DCDC2C: variants seen among roughly 807,000 people sequenced by gnomAD.
The protein encoded by DCDC2C is doublecortin domain-containing protein 2C.
Under a neutral mutation model 45.0 loss-of-function variants are expected in DCDC2C, and 44 were observed. That is an observed-to-expected ratio of 0.98 (90% CI 0.77 to 1.26). DCDC2C has a LOEUF of 1.26. Ranked by LOEUF, DCDC2C falls within the 50% of genes most tolerant of loss-of-function variation. The pLI is 0.00. For synonymous variants in DCDC2C, 187 were observed against 178.8 expected (o/e 1.05, Z -0.37); for missense variants, 447 against 468.9 (o/e 0.95, Z 0.43).
At chr2:3,738,912 A>AGTT (rs1669110719) in intron 3 of DCDC2C, among the ~76,000 whole-genome samples, 1 of 152,182 alleles carries the variant, frequency 6.6e-6, no homozygotes. Flanking sequence ...TTTTAGATGG[A>AGTT]GTTGTTCATT....
intron 10 of DCDC2C, among the ~76,000 whole-genome samples, chr2:3,807,397 G>A (rs1671279472): frequency 6.6e-6 from 1 of 152,102 alleles, no homozygotes; most frequent in African/African-American, 2.4e-5. Flanking sequence ...GTAAACAGTC[G>A]ACTCTTCCTG....
intron 9 of DCDC2C, among the ~76,000 whole-genome samples, chr2:3,780,790 G>A (rs1670489159): frequency 6.6e-6 from 1 of 152,232 alleles, no homozygotes; most frequent in Non-Finnish European, 1.5e-5. Flanking sequence ...GAGATGGGGA[G>A]TTTAGGTAGC....
At chr2:3,759,930 G>A (rs1042807514) in intron 6 of DCDC2C, among the ~76,000 whole-genome samples, 6 of 152,192 alleles carry the variant, frequency 3.9e-5, no homozygotes, top group East Asian at 1.9e-4. Context: ...AACTGCTGCC[G>A]TCAAGGCAAA....
intron 3 of DCDC2C, among the ~76,000 whole-genome samples, chr2:3,732,900 T>C (rs1211246432): frequency 2.0e-5 from 3 of 152,220 alleles, no homozygotes; most frequent in Admixed American, 6.5e-5. Context: ...TGTGGGCTCT[T>C]CCTGAGGTGC....
chr2:3,790,737 C>G (rs1558229261), intron 10 of DCDC2C, among the ~76,000 whole-genome samples: 1 of 152,150 alleles, frequency 6.6e-6, no homozygotes, highest in Non-Finnish European at 1.5e-5. Context: ...ATTGGAGTCT[C>G]AAAAGTGAAG....
intron 10 of DCDC2C, among the ~76,000 whole-genome samples, chr2:3,808,944 G>T (rs573696626): frequency 2.0e-5 from 3 of 152,176 alleles, no homozygotes; most frequent in African/African-American, 7.2e-5. Flanking sequence ...GTAGGAATGA[G>T]GATTTTTTTT....
chr2:3,791,536 C>T (rs760848187), intron 10 of DCDC2C, among the ~76,000 whole-genome samples: 8 of 152,216 alleles, frequency 5.3e-5, no homozygotes, highest in Non-Finnish European at 5.9e-5. Context: ...CAAAGATCAG[C>T]GGATGCAGGT....
chr2:3,763,925 G>C (rs1010548890), intron 6 of DCDC2C, among the ~76,000 whole-genome samples: 2 of 152,210 alleles, frequency 1.3e-5, no homozygotes, highest in African/African-American at 4.8e-5. Flanking sequence ...TCACCCACCA[G>C]AGCTGCTCAG....
At chr2:3,742,701 G>T (rs1027017002) in intron 4 of DCDC2C, among the ~76,000 whole-genome samples, 1 of 152,218 alleles carries the variant, frequency 6.6e-6, no homozygotes, top group Non-Finnish European at 1.5e-5. Context: ...TGCATAGTAG[G>T]CGTGAAATGG....
intron 2 of DCDC2C, among the ~76,000 whole-genome samples, chr2:3,724,786 C>A (rs1245425521): frequency 6.6e-6 from 1 of 152,120 alleles, no homozygotes; most frequent in Non-Finnish European, 1.5e-5. Flanking sequence ...GAGCAGAGCT[C>A]CCCAGTTGTT....
chr2:3,811,467 T>C (rs1671393014), intron 10 of DCDC2C, among the ~76,000 whole-genome samples: 1 of 152,150 alleles, frequency 6.6e-6, no homozygotes. Flanking sequence ...TATCAGTTTA[T>C]GGAATTTTTG....
intron 6 of DCDC2C, among the ~76,000 whole-genome samples, chr2:3,766,168 T>G (rs910654641): frequency 8.5e-5 from 13 of 152,160 alleles, no homozygotes; most frequent in Admixed American, 7.2e-4. Flanking sequence ...GTGGTTCTCA[T>G]TTGCTGTGTA....
At chr2:3,752,729 G>A in intron 4 of DCDC2C, 34 bp from the exon 5 acceptor site, 1 of 1,549,628 alleles carries the variant, frequency 6.5e-7, no homozygotes, top group Non-Finnish European at 8.7e-7. Context: ...TGGTCCTCAA[G>A]TCTCTATCTC....
rs547063893 is a variant in DCDC2C at position 3,795,273 on chromosome 2, G to A, written c.1065+10173G>A. ...TGTAGATTCTGGATATTAGCCCTTT[G>A]TCAGATGAGGAGGTTGCGAAAATTT... On this transcript the variant is annotated intron_variant, in intron 10 of 10. Coordinates refer to ENST00000399143, the MANE Select transcript of DCDC2C (RefSeq NM_001287444.2). 3.8e-3 allele frequency among the ~76,000 whole-genome samples: 574 copies of A among 151,532 alleles called. 9 individuals are homozygous for A. Among genetic ancestry groups the A allele is most frequent in the Admixed American group, 0.034 (510 of 15,162 alleles).
intron 10 of DCDC2C, among the ~76,000 whole-genome samples, chr2:3,821,692 T>G (rs1572641868): frequency 6.6e-6 from 1 of 152,232 alleles, no homozygotes. Context: ...CATTGATTGA[T>G]TTTTCAAATG....
chr2:3,822,306 GTTTTA>G (rs1366585763), intron 10 of DCDC2C, among the ~76,000 whole-genome samples: 1 of 152,064 alleles, frequency 6.6e-6, no homozygotes, highest in African/African-American at 2.4e-5. Flanking sequence ...ACTTGTTATA[GTTTTA>G]TTTATACTTT....
At chr2:3,841,854 C>T (rs1010660310) in intron 10 of DCDC2C, among the ~76,000 whole-genome samples, 1 of 152,176 alleles carries the variant, frequency 6.6e-6, no homozygotes, top group Non-Finnish European at 1.5e-5. Flanking sequence ...TCTTCTATAA[C>T]CCCCGCTTTT....
intron 10 of DCDC2C, among the ~76,000 whole-genome samples, chr2:3,797,274 G>A (rs1670983550): frequency 6.6e-6 from 1 of 151,594 alleles, no homozygotes; most frequent in African/African-American, 2.4e-5. Context: ...TTCTTTATTA[G>A]TCTTGCTAGT....
At chr2:3,751,440 C>T (rs1669538555) in intron 4 of DCDC2C, among the ~76,000 whole-genome samples, 2 of 152,242 alleles carry the variant, frequency 1.3e-5, no homozygotes, top group South Asian at 4.1e-4. Flanking sequence ...CGCCATGCCT[C>T]TCCCAGGTTC....
Sources: gnomAD v4.1 joint callset for allele counts (sites outside exome capture counted in the v4.1 genomes callset) on GRCh38, gnomAD v4.1.1 for gene constraint, MANE v1.5 for transcripts, NCBI Gene and HGNC (gene_info 2026-07-23, HGNC 2026-07-21) for gene names.